The following CPLX1 variants were observed in gnomAD, a reference collection of about 807,000 sequenced individuals.
CPLX1 encodes the protein complexin-1.
A neutral mutation model predicts 15.6 loss-of-function variants in CPLX1; 6 were observed. The ratio of observed to expected loss-of-function variants is 0.39; its 90% CI spans 0.21 to 0.76. The LOEUF (loss-of-function observed/expected upper bound fraction) is 0.76. Among genes scored for constraint, CPLX1 ranks in the 30% least tolerant of loss-of-function variants. The pLI is 0.43. For synonymous variants in CPLX1, 91 were observed against 75.2 expected, an observed-to-expected ratio of 1.21 and a Z score of -1.08; for missense variants, 242 against 188.6, an observed-to-expected ratio of 1.28 and a Z score of -1.66.
intron 2 of CPLX1, among the ~76,000 whole-genome samples, chr4:821,841 C>A (rs921203911): frequency 1.2e-4 from 18 of 152,116 alleles, no homozygotes; most frequent in African/African-American, 4.1e-4. Flanking sequence ...ATGAGCAGGC[C>A]CTGGGCCACT....
chr4:824,787 G>T, intron 1 of CPLX1, 186 bp from the exon 2 acceptor site: 1 of 675,814 alleles, frequency 1.5e-6, no homozygotes, highest in Non-Finnish European at 2.7e-6. Context: ...CAGAGGACCT[G>T]AAAATGGTCT....
chr4:793,510 G>A (rs1746244798), intron 2 of CPLX1, among the ~76,000 whole-genome samples: 1 of 152,214 alleles, frequency 6.6e-6, no homozygotes, highest in African/African-American at 2.4e-5. Context: ...AATACAGCAG[G>A]CACTGCGGGG....
At chr4:824,405 G>A in intron 2 of CPLX1, 87 bp downstream of exon 2, 1 of 1,238,330 alleles carries the variant, frequency 8.1e-7, no homozygotes, top group Non-Finnish European at 1.2e-6. Flanking sequence ...CAGGGGCGCT[G>A]CTGCGGTGGG....
chr4:824,085 CGCT>C (rs1746925314), intron 2 of CPLX1, among the ~76,000 whole-genome samples: 1 of 152,246 alleles, frequency 6.6e-6, no homozygotes, highest in Non-Finnish European at 1.5e-5. Flanking sequence ...GCTCTCCCAC[CGCT>C]TGGCTCTCCT....
chr4:824,732 A>G, intron 1 of CPLX1, 131 bp from the exon 2 acceptor site: 1 of 700,510 alleles, frequency 1.4e-6, no homozygotes, highest in South Asian at 1.5e-5. Context: ...CTGCCTGGGA[A>G]GTCCTTCGTG....
chr4:810,340 C>T lies in CPLX1; in HGVS notation c.31+14152G>A, dbSNP rs551507656. On this transcript the variant is annotated intron_variant, in intron 2 of 3. Transcript: ENST00000304062. ...CTGGGATTACAGGCGTGAGCCACCA[C>T]GCCCGGCCTTGGGTCTGCGCTTTCA... Among the ~76,000 whole-genome samples the T allele has an allele frequency of 5.9e-5, 9 of 152,354 alleles. No individual in the cohort carries two copies. In the East Asian group the frequency reaches 7.7e-4, roughly 13 times the overall value.
intron 2 of CPLX1, among the ~76,000 whole-genome samples, chr4:814,661 C>T (rs1003434026): frequency 4.6e-5 from 7 of 152,370 alleles, no homozygotes; most frequent in African/African-American, 1.7e-4. Flanking sequence ...TGCCTTAAAT[C>T]TGAAGAACCA....
chr4:807,314 G>C (rs1170077258), intron 2 of CPLX1, among the ~76,000 whole-genome samples: 2 of 152,144 alleles, frequency 1.3e-5, no homozygotes, highest in Non-Finnish European at 2.9e-5. Flanking sequence ...ACACACACTG[G>C]GGCCTATGGA....
Position 789,208 on chromosome 4 carries a change from C to T in CPLX1, c.208-2510G>A, listed in dbSNP as rs983666887. On this transcript the variant is annotated intron_variant, in intron 3 of 3. Transcript: ENST00000304062. ...TGGCTTCCACGTGGTCTGGCTGAGA[C>T]CCAGTTCTGAGGCGTCTGCTCCAGA... Among the ~76,000 whole-genome samples, 7 of 152,168 alleles carry T rather than the reference C, an allele frequency of 4.6e-5. No individual in the cohort carries two copies. In the East Asian group the frequency reaches 1.2e-3, roughly 25 times the overall value.
Position 788,019 on chromosome 4 carries a change from G to C in CPLX1, c.208-1321C>G, listed in dbSNP as rs768024794. 4.1e-4 allele frequency: 401 copies of C among 985,422 alleles called. 1 individual carries two copies. The highest frequency in any genetic ancestry group is 4.3e-4 in the Non-Finnish European group (357 of 829,916). 61.0% of individuals were successfully genotyped at this position (985,422 alleles called of 1,614,324 possible). A position where few individuals can be genotyped will look rare whatever the true frequency, so the allele number is the denominator to read the frequency against. On this transcript the variant is annotated intron_variant, in intron 3 of 3. Transcript: ENST00000304062. The stretch of plus-strand genomic sequence containing the variant: ...CTCTGGAGTAGTGAAGGCGTCAGCA[G>C]CTGCGTCCAGGAGAAAACTTAGGAG...
chr4:800,668 CTT>C (rs1746434288), intron 2 of CPLX1, among the ~76,000 whole-genome samples: 3 of 107,048 alleles, frequency 2.8e-5, no homozygotes, highest in South Asian at 3.1e-4. Context: ...GGGCAGATGA[CTT>C]GAGGTCAGGA....
Position 786,685 on chromosome 4 carries a change from T to C in CPLX1, c.221A>G (p.Lys74Arg). Residue 74 changes from lysine to arginine, a missense_variant, in exon 4 of 4, where the codon AAG becomes AGG. Transcript: ENST00000304062. ...QGIRDKYGIK[K>R]KEEREAEAQA... ...GGCCTCGGCCTCGCGCTCCTCCTTC[T>C]TCTTGATGCCGTACTGCGGGGGAGG... 6.2e-7 allele frequency: 1 copy of C among 1,606,940 alleles called. No homozygotes were observed. The highest frequency in any genetic ancestry group is 8.5e-7 in the Non-Finnish European group (1 of 1,176,570).
chr4:812,370 C>T (rs1746679940), intron 2 of CPLX1, among the ~76,000 whole-genome samples: 1 of 152,200 alleles, frequency 6.6e-6, no homozygotes, highest in South Asian at 2.1e-4. Flanking sequence ...AGCCACCGCA[C>T]CCAGCAGAGT....
At chr4:816,227 T>C (rs1056870831) in intron 2 of CPLX1, among the ~76,000 whole-genome samples, 26 of 148,938 alleles carry the variant, frequency 1.7e-4, no homozygotes, top group Admixed American at 3.3e-4. Context: ...TTTTTTTTTT[T>C]TTTTTTTTTG....
intron 2 of CPLX1, among the ~76,000 whole-genome samples, chr4:809,331 C>T (rs1447512331): frequency 6.6e-6 from 1 of 152,238 alleles, no homozygotes; most frequent in Non-Finnish European, 1.5e-5. Flanking sequence ...CCGGCCAAAG[C>T]TTCTCATTCT....
chr4:794,136 C>A (rs1268500511), intron 2 of CPLX1, among the ~76,000 whole-genome samples: 3 of 152,238 alleles, frequency 2.0e-5, no homozygotes, highest in Non-Finnish European at 2.9e-5. Context: ...CGAGGGTGGG[C>A]AGGAGCTGTC....
At chr4:787,484 C>T (rs1358694308) in intron 3 of CPLX1, 11 of 789,282 alleles carry the variant, frequency 1.4e-5, no homozygotes, top group South Asian at 5.8e-5. Flanking sequence ...AGGATGGGGA[C>T]GAGGCCATCC....
chr4:795,339 C>A (rs1365405122), intron 2 of CPLX1, among the ~76,000 whole-genome samples: 1 of 152,202 alleles, frequency 6.6e-6, no homozygotes, highest in Non-Finnish European at 1.5e-5. Flanking sequence ...GCGACCCCGC[C>A]GGCCTCGACC....
intron 2 of CPLX1, among the ~76,000 whole-genome samples, chr4:792,982 TC>T (rs1195195828): frequency 6.6e-6 from 1 of 152,158 alleles, no homozygotes; most frequent in Non-Finnish European, 1.5e-5. Flanking sequence ...TGGTCGTACA[TC>T]TGTATGTGGT....
Sources: allele counts gnomAD v4.1 joint callset (sites outside exome capture counted in the v4.1 genomes callset), GRCh38; gene constraint gnomAD v4.1.1; transcripts MANE v1.5; gene names NCBI Gene and HGNC (gene_info 2026-07-23, HGNC 2026-07-21).